The following SUGT1 variants were observed in gnomAD, a reference collection of about 807,000 sequenced individuals.
The protein encoded by SUGT1 is protein SGT1 homolog.
Under a neutral mutation model 56.1 loss-of-function variants are expected in SUGT1, and 15 were observed. The ratio of observed to expected loss-of-function variants is 0.27; its 90% CI spans 0.18 to 0.41. The LOEUF is 0.41. Among genes scored for constraint, SUGT1 ranks in the 10% least tolerant of loss-of-function variants. The probability of loss-of-function intolerance (pLI) is 1.00; values close to 1 mark genes in which losing one functional copy is unlikely to be tolerated. For missense variants in SUGT1, 347 were observed against 382.2 expected, an observed-to-expected ratio of 0.91 and a Z score of 0.77; for synonymous variants, 123 against 128.6, an observed-to-expected ratio of 0.96 and a Z score of 0.30.
At chr13:52,663,332 T>C (rs180825408) in intron 7 of SUGT1, among the ~76,000 whole-genome samples, 1 of 152,300 alleles carries the variant, frequency 6.6e-6, no homozygotes, top group African/African-American at 2.4e-5. Context: ...ATTTAGTGTG[T>C]GGTTAAAGTT....
At chr13:52,659,812 ATATTTTTTTTTTTTTTT>A (rs1180145508) in intron 5 of SUGT1, among the ~76,000 whole-genome samples, 30 of 38,176 alleles carry the variant, frequency 7.9e-4, no homozygotes, top group African/African-American at 3.8e-3. Context: ...ATATATATAT[ATATTTTTTTTTTTTTTT>A]TTTTTTTTTT....
At chr13:52,656,912 C>T (rs1962191081) in intron 2 of SUGT1, among the ~76,000 whole-genome samples, 1 of 152,190 alleles carries the variant, frequency 6.6e-6, no homozygotes, top group South Asian at 2.1e-4. Context: ...GTTGTGACTG[C>T]ACAAGTTAAA....
At position 52,652,871 on chromosome 13, in the gene SUGT1, GGTA is replaced by G; in HGVS notation, c.-49_-47del. On this transcript the variant is annotated 5_prime_UTR_variant, in exon 1 of 13. Transcript: ENST00000310528. ...TTCCCCCTTGGGCGGTGGTGGAGGTGGTAACCGTGATAGTAGCAGCTCCGGCGG... is the reference window on the plus strand; with the variant it reads ...TTCCCCCTTGGGCGGTGGTGGAGGTGACCGTGATAGTAGCAGCTCCGGCGG... 6.3e-7 allele frequency: 1 copy of G among 1,598,348 alleles called. No individual in the cohort carries two copies.
intron 5 of SUGT1, 105 bp from the exon 6 acceptor site, chr13:52,662,541 TCCC>T: frequency 9.7e-6 from 10 of 1,031,342 alleles, no homozygotes; most frequent in Admixed American, 6.3e-5. Flanking sequence ...CGCTGCCGAC[TCCC>T]CAGTGCCTAG....
At chr13:52,662,777 ATTTGTT>A in intron 6 of SUGT1, 75 bp downstream of exon 6, 1 of 1,444,198 alleles carries the variant, frequency 6.9e-7, no homozygotes, top group Non-Finnish European at 9.5e-7. Flanking sequence ...GTTTAAACAA[ATTTGTT>A]TTTATCTTTA....
chr13:52,676,517 A>G (rs1963148551), intron 11 of SUGT1, among the ~76,000 whole-genome samples, 197 bp downstream of exon 11: 1 of 152,210 alleles, frequency 6.6e-6, no homozygotes, highest in African/African-American at 2.4e-5. Flanking sequence ...TAAGAATACA[A>G]ATGAATGGCA....
chr13:52,666,165 A>AG (rs1962693935), intron 9 of SUGT1, among the ~76,000 whole-genome samples: 1 of 152,202 alleles, frequency 6.6e-6, no homozygotes, highest in Admixed American at 6.5e-5. Context: ...GGCTCACTGC[A>AG]GCCTCCTCCT....
rs1347574822 is a variant in SUGT1 at position 52,695,043 on chromosome 13, T to A, written c.*7208T>A. On this transcript the variant is annotated 3_prime_UTR_variant, in exon 13 of 13. Coordinates refer to ENST00000310528, the MANE Select transcript of SUGT1 (RefSeq NM_006704.5). Reference sequence around the variant, plus strand: ...TCAATCTTATTATTCTTGCCCCAAATGAATCAGTGTGGAGCATATACAAGT... The same window carrying A: ...TCAATCTTATTATTCTTGCCCCAAAAGAATCAGTGTGGAGCATATACAAGT... 6.6e-6 allele frequency: 1 copy of A among 152,232 alleles called. No individual in the cohort carries two copies. Among genetic ancestry groups the A allele is most frequent in the Non-Finnish European group, 1.5e-5 (1 of 68,050 alleles). The allele number at this position is 152,232 out of a possible 1,614,324, so 9.4% of individuals were successfully genotyped here.
At chr13:52,685,385 G>A (rs1408703750) in intron 12 of SUGT1, among the ~76,000 whole-genome samples, 2 of 151,202 alleles carry the variant, frequency 1.3e-5, no homozygotes, top group African/African-American at 4.9e-5. Flanking sequence ...GTGAGCCACT[G>A]CACCTGGCCC....
chr13:52,684,088 A>T (rs576615357), intron 12 of SUGT1, among the ~76,000 whole-genome samples: 1 of 151,734 alleles, frequency 6.6e-6, no homozygotes, highest in Non-Finnish European at 1.5e-5. Context: ...TTTTGTAGAG[A>T]TGGGGTTTTG....
At chr13:52,673,614 G>A (rs1407488738) in intron 10 of SUGT1, among the ~76,000 whole-genome samples, 2 of 152,170 alleles carry the variant, frequency 1.3e-5, no homozygotes, top group African/African-American at 4.8e-5. Context: ...CAGTAGATGC[G>A]AATGCTACTC....
At chr13:52,660,237 G>C (rs542172816) in intron 5 of SUGT1, among the ~76,000 whole-genome samples, 1 of 152,196 alleles carries the variant, frequency 6.6e-6, no homozygotes, top group South Asian at 2.1e-4. Flanking sequence ...TTTATGTTAT[G>C]ATAGAGTTTT....
Position 52,693,711 on chromosome 13 carries a change from TTG to T in SUGT1, c.*5895_*5896del, listed in dbSNP as rs149296327. On this transcript the variant is annotated 3_prime_UTR_variant, in exon 13 of 13. Coordinates refer to ENST00000310528, the MANE Select transcript of SUGT1 (RefSeq NM_006704.5). ...CCAGAAGGCTCAAAATACTAATGTT[TTG>T]TGTGTGTGTGTGTGTGTGCATGTGC... The T allele has an allele frequency of 2.5e-4, 38 of 150,110 alleles. No individual in the cohort carries two copies. The highest frequency in any genetic ancestry group is 6.1e-3 in the Middle Eastern group (2 of 330). The allele number at this position is 150,110 out of a possible 1,614,324, so 9.3% of individuals were successfully genotyped here.
intron 12 of SUGT1, among the ~76,000 whole-genome samples, chr13:52,684,645 C>G (rs1441871828): frequency 6.6e-6 from 1 of 151,876 alleles, no homozygotes; most frequent in African/African-American, 2.4e-5. Flanking sequence ...CTCGAGTAAT[C>G]CTCCTGAGTA....
chr13:52,652,857 G>T lies in SUGT1; in HGVS notation c.-64G>T, dbSNP rs558395356. On this transcript the variant is annotated 5_prime_UTR_variant, in exon 1 of 13. Transcript: ENST00000310528. Reference sequence around the variant, plus strand: ...GTTTCTCCAGAAGTTTCCCCCTTGGGCGGTGGTGGAGGTGGTAACCGTGAT... The same window carrying T: ...GTTTCTCCAGAAGTTTCCCCCTTGGTCGGTGGTGGAGGTGGTAACCGTGAT... 9 of 1,583,824 alleles carry T rather than the reference G, an allele frequency of 5.7e-6. No homozygotes were observed. In the Admixed American group the frequency reaches 1.7e-4, roughly 29 times the overall value.
intron 12 of SUGT1, among the ~76,000 whole-genome samples, chr13:52,680,879 T>G (rs1963344627): frequency 6.6e-6 from 1 of 152,188 alleles, no homozygotes; most frequent in Admixed American, 6.5e-5. Context: ...TCTCACTCTG[T>G]TGCCCAGGCT....
Position 52,692,222 on chromosome 13 carries a change from G to C in SUGT1, c.*4387G>C, listed in dbSNP as rs1463143496. 1 of 152,108 alleles carries C rather than the reference G, an allele frequency of 6.6e-6. No individual in the cohort carries two copies. The highest frequency in any genetic ancestry group is 1.5e-5 in the Non-Finnish European group (1 of 68,032). The allele number at this position is 152,108 out of a possible 1,614,324, so 9.4% of individuals were successfully genotyped here. On this transcript the variant is annotated 3_prime_UTR_variant, in exon 13 of 13. Transcript: ENST00000310528. Reference sequence around the variant, plus strand: ...GGGCCAAAGTAAAGTTCTTTGCCCAGGTCACTCTACTAGTAAGTAATTGCA... The same window carrying C: ...GGGCCAAAGTAAAGTTCTTTGCCCACGTCACTCTACTAGTAAGTAATTGCA...
chr13:52,663,457 G>A (rs1397988700), intron 7 of SUGT1, among the ~76,000 whole-genome samples: 3 of 152,064 alleles, frequency 2.0e-5, no homozygotes, highest in Non-Finnish European at 2.9e-5. Context: ...TTTATGATAG[G>A]CTAAGACAAA....
In SUGT1 at chr13:52,689,593, A is replaced by T. The variant is rs1339922084; in HGVS notation, c.*1758A>T. ...AAATAATCCATAGAGTCTTAGAGTT[A>T]TAATTAAAGGTCCATGGTTCTAAAT... On this transcript the variant is annotated 3_prime_UTR_variant, in exon 13 of 13. Transcript: ENST00000310528. 1 of 152,212 alleles carries T rather than the reference A, an allele frequency of 6.6e-6. No individual in the cohort carries two copies. Among genetic ancestry groups the T allele is most frequent in the African/African-American group, 2.4e-5 (1 of 41,454 alleles). 9.4% of individuals were successfully genotyped at this position (152,212 alleles called of 1,614,324 possible).
Sources: gnomAD v4.1 joint callset for allele counts (sites outside exome capture counted in the v4.1 genomes callset) on GRCh38, gnomAD v4.1.1 for gene constraint, MANE v1.5 for transcripts, NCBI Gene and HGNC (gene_info 2026-07-23, HGNC 2026-07-21) for gene names.